Variants in LRRIQ1 observed in about 807,000 individuals in gnomAD.
LRRIQ1 encodes the protein leucine rich repeats and IQ motif containing 1.
Under a neutral mutation model 211.9 loss-of-function variants are expected in LRRIQ1, and 210 were observed. The ratio of observed to expected loss-of-function variants is 0.99; its 90% CI spans 0.89 to 1.11. The LOEUF is 1.11. Ranked by LOEUF, LRRIQ1 falls within the 50% of genes most tolerant of loss-of-function variation. LRRIQ1 has a pLI of 0.00. For synonymous variants in LRRIQ1, 699 were observed against 650.1 expected (o/e 1.08, Z -1.14); for missense variants, 2,136 against 1,939.5 (o/e 1.10, Z -1.90).
chr12:85,136,666 G>A (rs1443394520), intron 18 of LRRIQ1, among the ~76,000 whole-genome samples: 1 of 148,596 alleles, frequency 6.7e-6, no homozygotes, highest in Non-Finnish European at 1.5e-5. Flanking sequence ...TCACCATTTT[G>A]TATATTTCAC....
intron 18 of LRRIQ1, among the ~76,000 whole-genome samples, chr12:85,134,773 C>G (rs371807273): frequency 6.6e-6 from 1 of 151,956 alleles, no homozygotes; most frequent in African/African-American, 2.4e-5. Context: ...AGTTACAAAA[C>G]ATTTCAAAAG....
At chr12:85,239,559 T>C (rs1400808009) in intron 26 of LRRIQ1, among the ~76,000 whole-genome samples, 1 of 152,020 alleles carries the variant, frequency 6.6e-6, no homozygotes, top group African/African-American at 2.4e-5. Context: ...GATAACCCTT[T>C]CTACACATAG....
At chr12:85,059,152 A>G (rs1049555778) in intron 8 of LRRIQ1, among the ~76,000 whole-genome samples, 12 of 151,868 alleles carry the variant, frequency 7.9e-5, no homozygotes, top group African/African-American at 2.4e-4. Context: ...TCAGATCTTT[A>G]TCCTTATCCT....
intron 24 of LRRIQ1, among the ~76,000 whole-genome samples, chr12:85,220,970 C>A (rs1316302864): frequency 6.6e-6 from 1 of 151,796 alleles, no homozygotes; most frequent in African/African-American, 2.4e-5. Context: ...ATACCACACA[C>A]CCGGCTAATT....
chr12:85,255,055 G>C (rs1896050470), intron 1 of LRRIQ1, among the ~76,000 whole-genome samples: 1 of 151,668 alleles, frequency 6.6e-6, no homozygotes, highest in Non-Finnish European at 1.5e-5. Flanking sequence ...AAGTAGTATT[G>C]TTTTTCACTG....
intron 24 of LRRIQ1, among the ~76,000 whole-genome samples, chr12:85,180,364 A>G (rs1436470239): frequency 1.3e-5 from 2 of 152,006 alleles, no homozygotes; most frequent in Non-Finnish European, 2.9e-5. Context: ...TCAAAAAACT[A>G]AATAATATTT....
At chr12:85,184,602 C>A (rs2136903768) in intron 24 of LRRIQ1, among the ~76,000 whole-genome samples, 1 of 152,068 alleles carries the variant, frequency 6.6e-6, no homozygotes, top group African/African-American at 2.4e-5. Flanking sequence ...TTCTAGCCAC[C>A]TATTTGAGCT....
chr12:85,143,850 G>C (rs1376156827), intron 19 of LRRIQ1, among the ~76,000 whole-genome samples: 1 of 151,478 alleles, frequency 6.6e-6, no homozygotes, highest in Admixed American at 6.6e-5. Context: ...TTTATGTTTT[G>C]TTTTTTAGTC....
In LRRIQ1 at chr12:85,128,007, A is replaced by C. The variant is rs1422246744; in HGVS notation, c.4183A>C (p.Arg1395=). Residue 1395 remains arginine, a synonymous_variant, in exon 18 of 27, where the codon AGG becomes CGG. Transcript: ENST00000393217. Reference sequence around the variant, plus strand: ...AAATATTGTGAATATCCGAAAACAGAGGGAGAAGGCTGCTATTCTTATTCA... The same window carrying C: ...AAATATTGTGAATATCCGAAAACAGCGGGAGAAGGCTGCTATTCTTATTCA... ...RENIVNIRKQ[R]EKAAILIQAV... The C allele has an allele frequency of 1.9e-6, 3 of 1,611,692 alleles. No individual in the cohort carries two copies. Among genetic ancestry groups the C allele is most frequent in the Admixed American group, 1.7e-5 (1 of 60,020 alleles).
chr12:85,196,135 T>G (rs910105834), intron 24 of LRRIQ1, among the ~76,000 whole-genome samples: 1 of 151,932 alleles, frequency 6.6e-6, no homozygotes, highest in Non-Finnish European at 1.5e-5. Flanking sequence ...TGAAGGACCT[T>G]TTCAAGGAGA....
intron 26 of LRRIQ1, among the ~76,000 whole-genome samples, chr12:85,234,707 A>G (rs890167218): frequency 1.3e-5 from 2 of 152,210 alleles, no homozygotes; most frequent in Non-Finnish European, 2.9e-5. Context: ...AAAAACAGAA[A>G]GAAAAAACCA....
chr12:85,245,812 T>C (rs1209642106), downstream of LRRIQ1, among the ~76,000 whole-genome samples: 3 of 150,876 alleles, frequency 2.0e-5, no homozygotes, highest in African/African-American at 7.3e-5. Context: ...TAAGTCTTTA[T>C]ACTTAATTAT....
At chr12:85,172,199 C>A (rs1431633773) in intron 24 of LRRIQ1, among the ~76,000 whole-genome samples, 16 of 152,030 alleles carry the variant, frequency 1.1e-4, no homozygotes, top group Admixed American at 1.1e-3. Context: ...TCCATGGCAC[C>A]CCTTTGTCCC....
chr12:85,052,150 T>C (rs1446567434), intron 6 of LRRIQ1, 27 bp from the exon 7 acceptor site: 2 of 1,161,060 alleles, frequency 1.7e-6, no homozygotes, highest in Admixed American at 4.6e-5. Flanking sequence ...TTGAGTATAG[T>C]CATATTTATT....
intron 24 of LRRIQ1, among the ~76,000 whole-genome samples, chr12:85,196,499 A>G (rs1892920354): frequency 6.6e-6 from 1 of 151,972 alleles, no homozygotes; most frequent in South Asian, 2.1e-4. Context: ...ATGGAACAGA[A>G]CAGAGCCCTC....
At chr12:85,055,175 GT>G (rs1382692975) in intron 7 of LRRIQ1, among the ~76,000 whole-genome samples, 1 of 151,960 alleles carries the variant, frequency 6.6e-6, no homozygotes, top group Non-Finnish European at 1.5e-5. Context: ...ATTCCAGAAA[GT>G]TTGAAGTCCT....
chr12:85,141,169 C>T (rs546770070), intron 19 of LRRIQ1, among the ~76,000 whole-genome samples: 1 of 151,216 alleles, frequency 6.6e-6, no homozygotes, highest in African/African-American at 2.4e-5. Flanking sequence ...AAAATTTTGT[C>T]TCAGCATATA....
At chr12:85,267,731 A>T (rs1896453311), downstream of LRRIQ1, among the ~76,000 whole-genome samples, 1 of 152,080 alleles carries the variant, frequency 6.6e-6, no homozygotes, top group African/African-American at 2.4e-5. Flanking sequence ...TGTGATACAT[A>T]GACAAAGTAA....
intron 6 of LRRIQ1, chr12:85,048,250 TG>T (rs1879872934): frequency 6.6e-6 from 1 of 152,240 alleles, no homozygotes. Flanking sequence ...TTTCATTTCT[TG>T]ACTGTGTAGA....
Sources: allele counts gnomAD v4.1 joint callset (sites outside exome capture counted in the v4.1 genomes callset), GRCh38; gene constraint gnomAD v4.1.1; transcripts MANE v1.5; gene names NCBI Gene and HGNC (gene_info 2026-07-23, HGNC 2026-07-21).